CAMTA1: variants seen among roughly 807,000 people sequenced by gnomAD.
CAMTA1 encodes the protein calmodulin-binding transcription activator 1.
Under a neutral mutation model 170.9 loss-of-function variants are expected in CAMTA1, and 27 were observed. The ratio of observed to expected loss-of-function variants is 0.16; its 90% CI spans 0.12 to 0.22. The LOEUF (loss-of-function observed/expected upper bound fraction) is 0.22. Among genes scored for constraint, CAMTA1 ranks in the 10% least tolerant of loss-of-function variants. CAMTA1 has a pLI of 1.00. For synonymous variants in CAMTA1, 833 were observed against 891.5 expected, an observed-to-expected ratio of 0.93 and a Z score of 1.17; for missense variants, 1,619 against 2,217.2, an observed-to-expected ratio of 0.73 and a Z score of 5.42.
At chr1:7,163,272 G>A (rs1480223625) in intron 4 of CAMTA1, among the ~76,000 whole-genome samples, 1 of 143,440 alleles carries the variant, frequency 7.0e-6, no homozygotes, top group East Asian at 2.1e-4. Context: ...TTGGTGGCTG[G>A]AGGTGTGGGT....
intron 5 of CAMTA1, among the ~76,000 whole-genome samples, chr1:7,297,596 A>G (rs1031067832): frequency 2.0e-5 from 3 of 152,198 alleles, no homozygotes; most frequent in African/African-American, 7.2e-5. Flanking sequence ...CTCACAGGGT[A>G]CCTCCAGGCA....
At chr1:6,857,761 T>G (rs1662998677) in intron 3 of CAMTA1, among the ~76,000 whole-genome samples, 1 of 152,222 alleles carries the variant, frequency 6.6e-6, no homozygotes, top group Non-Finnish European at 1.5e-5. Flanking sequence ...CATTCCTGTC[T>G]TCTGGAGCTT....
chr1:6,859,500 T>G (rs1305276015), intron 3 of CAMTA1, among the ~76,000 whole-genome samples: 1 of 152,200 alleles, frequency 6.6e-6, no homozygotes, highest in Non-Finnish European at 1.5e-5. Flanking sequence ...CTTAGAAATG[T>G]TGTACCAGGC....
chr1:6,856,279 T>TG (rs1369243758), intron 3 of CAMTA1, among the ~76,000 whole-genome samples: 2 of 149,916 alleles, frequency 1.3e-5, no homozygotes, highest in Non-Finnish European at 3.0e-5. Context: ...GAACCAGTGT[T>TG]TTTTTTTTTT....
intron 5 of CAMTA1, among the ~76,000 whole-genome samples, chr1:7,444,815 A>G (rs2092637746): frequency 6.6e-6 from 1 of 152,178 alleles, no homozygotes; most frequent in South Asian, 2.1e-4. Context: ...AACAAAGAAA[A>G]CCAGACAACA....
chr1:6,913,338 C>T (rs141120385), intron 3 of CAMTA1, among the ~76,000 whole-genome samples: 9 of 152,284 alleles, frequency 5.9e-5, no homozygotes, highest in Non-Finnish European at 7.4e-5. Context: ...TCCATCAGGA[C>T]GGTCAGAGCT....
chr1:6,790,247 A>G, intron 1 of CAMTA1, among the ~76,000 whole-genome samples: 1 of 151,538 alleles, frequency 6.6e-6, no homozygotes, highest in Non-Finnish European at 1.5e-5. Context: ...ATAGTGTGCT[A>G]TCTTGTTGAA....
intron 3 of CAMTA1, among the ~76,000 whole-genome samples, chr1:6,924,406 G>A (rs1346303369): frequency 1.3e-5 from 2 of 152,154 alleles, no homozygotes; most frequent in Non-Finnish European, 2.9e-5. Context: ...GCAGCCTCCT[G>A]CAGGGTCCTG....
chr1:7,557,163 C>T (rs908246006), intron 6 of CAMTA1, among the ~76,000 whole-genome samples: 5 of 151,982 alleles, frequency 3.3e-5, no homozygotes, highest in African/African-American at 9.7e-5. Flanking sequence ...AAAAAATTAG[C>T]GGGGCGTGGC....
At position 7,467,850 on chromosome 1, in the gene CAMTA1, C is replaced by G; in HGVS notation, c.459C>G (p.Val153=). 1.9e-6 allele frequency: 3 copies of G among 1,613,950 alleles called. No individual in the cohort carries two copies. The highest frequency in any genetic ancestry group is 2.5e-6 in the Non-Finnish European group (3 of 1,179,794). The part of the protein sequence containing the change: ...QGVECLYGCY[V]HSSIIPTFHR... Reference sequence around the variant, plus strand: ...CCTAGTGCTTGTACGGCTGCTATGTCCATTCCTCCATCATCCCCACCTTCC... The same window carrying G: ...CCTAGTGCTTGTACGGCTGCTATGTGCATTCCTCCATCATCCCCACCTTCC... The change falls in exon 6 of 23, where the codon GTC becomes GTG. Residue 153 remains valine, a synonymous_variant. Coordinates refer to ENST00000303635, the MANE Select transcript of CAMTA1 (RefSeq NM_015215.4).
At chr1:6,941,978 G>A (rs1254896827) in intron 3 of CAMTA1, among the ~76,000 whole-genome samples, 1 of 152,218 alleles carries the variant, frequency 6.6e-6, no homozygotes, top group Non-Finnish European at 1.5e-5. Context: ...GGCCTTGCTC[G>A]AGTGAGTCAG....
rs2092303291 is a variant in CAMTA1, at chr1:7,435,017, A to G, written c.439-32813A>G. ...CAGTGAGCTGAGATCCCACCACTGC[A>G]CTCCAGCCTGGGTGACAGCAAAACC... On this transcript the variant is annotated intron_variant, in intron 5 of 22. Coordinates refer to ENST00000303635, the MANE Select transcript of CAMTA1 (RefSeq NM_015215.4). The surrounding 1 kb of genome is among the most constrained non-coding windows in gnomAD (Gnocchi z 4.4). Among the ~76,000 whole-genome samples, 1 of 152,006 alleles carries G rather than the reference A, an allele frequency of 6.6e-6. No individual in the cohort carries two copies. Among genetic ancestry groups the G allele is most frequent in the African/African-American group, 2.4e-5 (1 of 41,370 alleles).
At chr1:7,679,056 T>C (rs535544014) in intron 11 of CAMTA1, among the ~76,000 whole-genome samples, 199 of 152,316 alleles carry the variant, frequency 1.3e-3, no homozygotes, top group African/African-American at 4.4e-3. Context: ...AACCCTAGCA[T>C]GGGCTGCCCT....
At chr1:6,880,230 C>T (rs570328277) in intron 3 of CAMTA1, among the ~76,000 whole-genome samples, 7 of 151,900 alleles carry the variant, frequency 4.6e-5, no homozygotes, top group Non-Finnish European at 1.0e-4. Flanking sequence ...CATACCACCA[C>T]GCCCAGCTAA....
intron 5 of CAMTA1, among the ~76,000 whole-genome samples, chr1:7,340,913 A>G (rs1488746001): frequency 6.6e-6 from 1 of 152,210 alleles, no homozygotes; most frequent in Non-Finnish European, 1.5e-5. Flanking sequence ...CGTAGTCCAC[A>G]AACCAAAGGA....
intron 3 of CAMTA1, among the ~76,000 whole-genome samples, chr1:6,954,372 G>T (rs551239508): frequency 2.6e-5 from 4 of 152,194 alleles, no homozygotes; most frequent in South Asian, 2.1e-4. Flanking sequence ...AGCTGTTGGG[G>T]TGTGGACGGG....
At chr1:7,101,954 C>T (rs1642768986) in intron 4 of CAMTA1, among the ~76,000 whole-genome samples, 1 of 152,014 alleles carries the variant, frequency 6.6e-6, no homozygotes, top group South Asian at 2.1e-4. Context: ...ATATTCAACA[C>T]ATAATGCATG....
chr1:6,927,951 C>T (rs1046648763), intron 3 of CAMTA1, among the ~76,000 whole-genome samples: 5 of 152,282 alleles, frequency 3.3e-5, no homozygotes, highest in East Asian at 3.9e-4. Flanking sequence ...GCAGGAGAGA[C>T]GACAAGGATC....
chr1:6,793,933 A>G (rs2148079425), intron 1 of CAMTA1, among the ~76,000 whole-genome samples: 1 of 152,346 alleles, frequency 6.6e-6, no homozygotes, highest in South Asian at 2.1e-4. Context: ...GCACTTGGAT[A>G]TCAAATCATT....
Sources: allele counts gnomAD v4.1 joint callset (sites outside exome capture counted in the v4.1 genomes callset), GRCh38; gene constraint gnomAD v4.1.1; non-coding constraint Gnocchi (gnomAD v3.1); transcripts MANE v1.5; gene names NCBI Gene and HGNC (gene_info 2026-07-23, HGNC 2026-07-21).